Variants in HDLBP observed in about 807,000 individuals in gnomAD.
HDLBP encodes high density lipoprotein binding protein, also known as vigilin.
HDLBP carries 30 observed loss-of-function variants against 137.3 expected under a neutral mutation model. That is an observed-to-expected ratio of 0.22 (90% CI 0.16 to 0.30). The LOEUF is 0.30. Among genes scored for constraint, HDLBP ranks in the 10% least tolerant of loss-of-function variants. HDLBP has a pLI of 1.00. For synonymous variants in HDLBP, 606 were observed against 596.0 expected (o/e 1.02, Z -0.24); for missense variants, 1,119 against 1,667.3 (o/e 0.67, Z 5.73).
At chr2:241,243,743 G>C (rs985521921) in intron 16 of HDLBP, 1 of 152,262 alleles carries the variant, frequency 6.6e-6, no homozygotes. Context: ...ATTTGGGCCT[G>C]AACTAAATAC....
chr2:241,290,616 A>G (rs1184999586), intron 1 of HDLBP, among the ~76,000 whole-genome samples: 1 of 45,714 alleles, frequency 2.2e-5, no homozygotes, highest in African/African-American at 4.2e-5. Flanking sequence ...GTCTCAAAGG[A>G]AAAAAAAAAA....
In HDLBP at chr2:241,227,946, T is replaced by C. The variant is rs1341864669; in HGVS notation, c.*1655A>G. Reference sequence around the variant, plus strand: ...CTAGCCTATGAAGCTGGAAGCTATATTCCTTCCAATCCCAATTTACCATTC... The same window carrying C: ...CTAGCCTATGAAGCTGGAAGCTATACTCCTTCCAATCCCAATTTACCATTC... On this transcript the variant is annotated 3_prime_UTR_variant, in exon 28 of 28. Coordinates refer to ENST00000310931, the MANE Select transcript of HDLBP (RefSeq NM_005336.6). 1 of 152,228 alleles carries C rather than the reference T, an allele frequency of 6.6e-6. No homozygotes were observed. The highest frequency in any genetic ancestry group is 2.4e-5 in the African/African-American group (1 of 41,450). 9.4% of individuals were successfully genotyped at this position (152,228 alleles called of 1,614,324 possible).
intron 5 of HDLBP, 26 bp downstream of exon 5, chr2:241,262,685 G>T (rs1349182823): frequency 1.3e-6 from 2 of 1,557,086 alleles, no homozygotes; most frequent in South Asian, 1.1e-5. Flanking sequence ...CAGTCACTGG[G>T]GAGAAGTAGG....
Position 241,240,180 on chromosome 2 carries a change from G to GAAGAC in HDLBP, c.2170-63_2170-59dup. On this transcript the variant is annotated intron_variant, in intron 17 of 27. Transcript: ENST00000310931. The surrounding 1 kb of genome is among the most constrained non-coding windows in gnomAD (Gnocchi z 5.5). ...CACCACGTGCCTGGACCACAGTGAGGAAGACAAGAGGGTCTGTAGGACAGC... is the reference window on the plus strand; with the variant it reads ...CACCACGTGCCTGGACCACAGTGAGGAAGACAAGACAAGAGGGTCTGTAGGACAGC... The GAAGAC allele has an allele frequency of 6.5e-7, 1 of 1,529,462 alleles. No individual in the cohort carries two copies. The highest frequency in any genetic ancestry group is 2.2e-5 in the East Asian group (1 of 44,494). 94.7% of individuals were successfully genotyped at this position (1,529,462 alleles called of 1,614,324 possible). A position where few individuals can be genotyped will look rare whatever the true frequency, so the allele number is the denominator to read the frequency against.
At chr2:241,267,639 C>CAA in intron 2 of HDLBP, 1 of 1,535,750 alleles carries the variant, frequency 6.5e-7, no homozygotes, top group Non-Finnish European at 8.7e-7. Context: ...TCTCTCTCTG[C>CAA]AAGGTGCATC....
At chr2:241,306,987 A>C (rs1471360948) in intron 1 of HDLBP, among the ~76,000 whole-genome samples, 1 of 127,470 alleles carries the variant, frequency 7.8e-6, no homozygotes, top group African/African-American at 3.0e-5. Context: ...AAAAAAAAAA[A>C]CGAGGAAAAG....
chr2:241,264,401 G>A, intron 4 of HDLBP, 47 bp downstream of exon 4: 2 of 1,232,526 alleles, frequency 1.6e-6, no homozygotes, highest in Non-Finnish European at 2.3e-6. Context: ...AATTTACATA[G>A]ACATGTTACA....
rs747279136 is a variant in HDLBP at position 241,249,998 on chromosome 2, A to G, written c.1373-18T>C. 6.9e-6 allele frequency: 11 copies of G among 1,593,458 alleles called. No homozygotes were observed. ...TCTGTTTACTTAGGAACACAAAAGG[A>G]AACACATTTAGGACACAGACCAACA... On this transcript the variant is annotated intron_variant, in intron 11 of 27. Transcript: ENST00000310931.
intron 4 of HDLBP, among the ~76,000 whole-genome samples, chr2:241,264,030 G>C (rs940931120): frequency 1.4e-5 from 2 of 141,110 alleles, no homozygotes; most frequent in African/African-American, 4.9e-5. Flanking sequence ...TCTACGCTTG[G>C]AAGGATAGGT....
At chr2:241,314,940 A>G (rs2075971283) in intron 1 of HDLBP, among the ~76,000 whole-genome samples, 1 of 152,092 alleles carries the variant, frequency 6.6e-6, no homozygotes. Context: ...CAGTGCCTCC[A>G]GGCCACGCGG....
chr2:241,294,874 G>A (rs1027842173), intron 1 of HDLBP, among the ~76,000 whole-genome samples: 1 of 152,162 alleles, frequency 6.6e-6, no homozygotes, highest in African/African-American at 2.4e-5. Context: ...GCCGAGACAG[G>A]TGGGTCACCT....
In HDLBP at chr2:241,266,616, G is replaced by A. The variant is rs560050192; in HGVS notation, c.76+178C>T. 2.9e-5 allele frequency: 17 copies of A among 581,516 alleles called. No individual in the cohort carries two copies. In the South Asian group the frequency reaches 3.6e-4, roughly 12 times the overall value. The allele number at this position is 581,516 out of a possible 1,614,324, so 36.0% of individuals were successfully genotyped here. A position where few individuals can be genotyped will look rare whatever the true frequency, so the allele number is the denominator to read the frequency against. ...GTACTTGATTCATTTCCTCATGCCTGGCCAGTCGCCCCTGCACGCACAGCA... is the reference window on the plus strand; with the variant it reads ...GTACTTGATTCATTTCCTCATGCCTAGCCAGTCGCCCCTGCACGCACAGCA... On this transcript the variant is annotated intron_variant, in intron 3 of 27. Coordinates refer to ENST00000310931, the MANE Select transcript of HDLBP (RefSeq NM_005336.6).
chr2:241,298,388 AAT>A (rs1559553212), intron 1 of HDLBP, among the ~76,000 whole-genome samples: 4 of 152,088 alleles, frequency 2.6e-5, no homozygotes, highest in Non-Finnish European at 5.9e-5. Context: ...TAATGAAAAA[AAT>A]AAATAGATAA....
chr2:241,241,663 T>C (rs1366705456), intron 17 of HDLBP, among the ~76,000 whole-genome samples: 1 of 139,946 alleles, frequency 7.1e-6, no homozygotes, highest in Non-Finnish European at 1.5e-5. Context: ...CTCGTGAAGG[T>C]CAACATACAA....
At chr2:241,305,001 C>A (rs894079270) in intron 1 of HDLBP, among the ~76,000 whole-genome samples, 1 of 152,260 alleles carries the variant, frequency 6.6e-6, no homozygotes, top group Admixed American at 6.5e-5. Flanking sequence ...TTAACCCGAG[C>A]TGGCACACAA....
intron 9 of HDLBP, among the ~76,000 whole-genome samples, chr2:241,254,165 T>TCC (rs2072429136): frequency 6.6e-6 from 1 of 152,084 alleles, no homozygotes; most frequent in African/African-American, 2.4e-5. Flanking sequence ...CTTGGGAAGC[T>TCC]GAGACGAGCG....
chr2:241,314,912 G>T (rs915969880), intron 1 of HDLBP, among the ~76,000 whole-genome samples: 1 of 152,170 alleles, frequency 6.6e-6, no homozygotes, highest in South Asian at 2.1e-4. Context: ...AAGCCTTGAC[G>T]TGAGTCTCGA....
rs1177766240 is a variant in HDLBP at position 241,229,394 on chromosome 2, C to T, written c.*207G>A. On this transcript the variant is annotated 3_prime_UTR_variant, in exon 28 of 28. Coordinates refer to ENST00000310931, the MANE Select transcript of HDLBP (RefSeq NM_005336.6). ...CTCATGACCTTGGTTTAGTGTTAAA[C>T]AGTGGAGCAGGTCCTGAGCGGGCAC... 3.8e-6 allele frequency: 2 copies of T among 520,266 alleles called. No homozygotes were observed. The highest frequency in any genetic ancestry group is 2.0e-5 in the South Asian group (1 of 49,300). 32.2% of individuals were successfully genotyped at this position (520,266 alleles called of 1,614,324 possible). A position where few individuals can be genotyped will look rare whatever the true frequency, so the allele number is the denominator to read the frequency against.
chr2:241,273,463 T>TGGATAC (rs1221139819), intron 1 of HDLBP: 1 of 490,682 alleles, frequency 2.0e-6, no homozygotes, highest in South Asian at 8.7e-5. Flanking sequence ...GAGCCCACGG[T>TGGATAC]GGATACGCAG....
Sources: gnomAD v4.1 joint callset for allele counts (sites outside exome capture counted in the v4.1 genomes callset) on GRCh38, gnomAD v4.1.1 for gene constraint, Gnocchi (gnomAD v3.1) non-coding constraint, MANE v1.5 for transcripts, NCBI Gene and HGNC (gene_info 2026-07-23, HGNC 2026-07-21) for gene names.